The following KCNH3 variants were observed in gnomAD, a reference collection of about 807,000 sequenced individuals.
KCNH3 encodes voltage-gated inwardly rectifying potassium channel KCNH3.
Under a neutral mutation model 95.6 loss-of-function variants are expected in KCNH3, and 36 were observed. The observed-to-expected ratio is 0.38, with a 90% CI of 0.29 to 0.50. The LOEUF (loss-of-function observed/expected upper bound fraction) is 0.50. Ranked by LOEUF, KCNH3 falls within the 20% of genes least tolerant of loss-of-function variation. The pLI is 0.95. For synonymous variants in KCNH3, 620 were observed against 646.3 expected (o/e 0.96, Z 0.62); for missense variants, 1,030 against 1,484.1 (o/e 0.69, Z 5.03).
chr12:49,554,622 C>A, intron 11 of KCNH3, 68 bp downstream of exon 11: 2 of 1,384,150 alleles, frequency 1.4e-6, no homozygotes, highest in Non-Finnish European at 2.0e-6. Context: ...TGGGCAGAGG[C>A]TGGGGATGGT....
At position 49,556,179 on chromosome 12, in the gene KCNH3, G is replaced by T. The variant is rs575080360; in HGVS notation, c.2469-191G>T. On this transcript the variant is annotated intron_variant, in intron 12 of 14. Coordinates refer to ENST00000257981, the MANE Select transcript of KCNH3 (RefSeq NM_012284.3). Reference sequence around the variant, plus strand: ...GCTCTGAACTCTTGCATCTCATGCTGCTCAAGCTTGGCCCCCCAGCTAAAC... The same window carrying T: ...GCTCTGAACTCTTGCATCTCATGCTTCTCAAGCTTGGCCCCCCAGCTAAAC... 26 of 605,750 alleles carry T rather than the reference G, an allele frequency of 4.3e-5. No homozygotes were observed. The East Asian group carries it at 7.1e-4, about 17-fold the overall frequency. The allele number at this position is 605,750 out of a possible 1,614,324, so 37.5% of individuals were successfully genotyped here.
At chr12:49,549,789 G>A in intron 9 of KCNH3, 149 bp downstream of exon 9, 1 of 836,442 alleles carries the variant, frequency 1.2e-6, no homozygotes, top group Non-Finnish European at 1.8e-6. Context: ...ATGGGACAGA[G>A]GGCAGCTAAG....
chr12:49,546,896 T>C (rs997910641), intron 7 of KCNH3, among the ~76,000 whole-genome samples: 1 of 152,146 alleles, frequency 6.6e-6, no homozygotes, highest in Non-Finnish European at 1.5e-5. Flanking sequence ...CGTACTCCAA[T>C]TTTATTTTAT....
Position 49,556,371 on chromosome 12 carries a change from G to A in KCNH3, c.2470G>A (p.Val824Ile), listed in dbSNP as rs1054769379. 10 of 1,611,328 alleles carry A rather than the reference G, an allele frequency of 6.2e-6. No homozygotes were observed. The highest frequency in any genetic ancestry group is 8.5e-6 in the Non-Finnish European group (10 of 1,177,470). ...TTGTCCTGGTACCTGGGTTCACAGG[G>A]TAGTAGATGGCATTGAAGACGGCTG... is the stretch of plus-strand genomic sequence containing the variant. ...WNVPPDLSPRVVDGIEDGCGS... is the reference protein window; with the variant it reads ...WNVPPDLSPRIVDGIEDGCGS... The change falls in exon 13 of 15, where the codon GTA becomes ATA. Residue 824 changes from valine to isoleucine, a missense_variant and splice_region_variant. By Grantham distance (29) the Val-to-Ile change is conservative. Around this residue, in one of 9 missense-constraint regions of KCNH3, gnomAD observed 464 missense variants for 493.2 expected, o/e 0.94. Coordinates refer to ENST00000257981, the MANE Select transcript of KCNH3 (RefSeq NM_012284.3).
intron 9 of KCNH3, 102 bp downstream of exon 9, chr12:49,549,742 C>G: frequency 1.6e-5 from 18 of 1,153,932 alleles, no homozygotes; most frequent in Non-Finnish European, 2.2e-5. Flanking sequence ...AGAATTTTGG[C>G]CCCTGTGCCT....
At chr12:49,554,783 C>T (rs922787065) in intron 11 of KCNH3, among the ~76,000 whole-genome samples, 1 of 152,296 alleles carries the variant, frequency 6.6e-6, no homozygotes, top group South Asian at 2.1e-4. Flanking sequence ...GCAGCCTTAC[C>T]CTGTCCAGAG....
chr12:49,543,559 G>A (rs766946350), intron 5 of KCNH3, 41 bp downstream of exon 5: 153 of 1,574,220 alleles, frequency 9.7e-5, no homozygotes, highest in Non-Finnish European at 1.2e-4. Context: ...CTTTGCTGGC[G>A]CCCTGGGGCT....
rs138891379 is a variant in KCNH3 at position 49,548,604 on chromosome 12, C to T, written c.1190-291C>T. Among the ~76,000 whole-genome samples the T allele has an allele frequency of 4.0e-3, 612 of 152,280 alleles. 7 individuals carry two copies. Among genetic ancestry groups the T allele is most frequent in the African/African-American group, 0.011 (453 of 41,544 alleles). On this transcript the variant is annotated intron_variant, in intron 7 of 14. Transcript: ENST00000257981. ...GTGAGCACCCCAGTCCTTTTGCCCACGCCAGCCAGGCCCTCCGACTGGGCC... is the reference window on the plus strand; with the variant it reads ...GTGAGCACCCCAGTCCTTTTGCCCATGCCAGCCAGGCCCTCCGACTGGGCC...
intron 7 of KCNH3, among the ~76,000 whole-genome samples, chr12:49,546,539 T>C (rs1158953187): frequency 1.3e-5 from 2 of 152,150 alleles, no homozygotes; most frequent in African/African-American, 4.8e-5. Flanking sequence ...GCCCATGATG[T>C]GGACAGAGTT....
chr12:49,541,793 G>A, intron 3 of KCNH3, 29 bp downstream of exon 3: 1 of 1,612,330 alleles, frequency 6.2e-7, no homozygotes, highest in Non-Finnish European at 8.5e-7. Context: ...TGTGGTCGGG[G>A]TATTGGGTGC....
chr12:49,550,048 A>AACC (rs1565779214), intron 9 of KCNH3, 32 bp from the exon 10 acceptor site: 12 of 800,666 alleles, frequency 1.5e-5, no homozygotes, highest in South Asian at 1.5e-5. Context: ...GCCACTCCCA[A>AACC]CCCCCCCACC....
chr12:49,556,092 G>A, intron 12 of KCNH3, 141 bp downstream of exon 12: 1 of 598,592 alleles, frequency 1.7e-6, no homozygotes, highest in Admixed American at 3.0e-5. Flanking sequence ...CCTCCAGGAA[G>A]CCTTCTGTGC....
At chr12:49,542,984 G>T in intron 4 of KCNH3, 145 bp downstream of exon 4, 1 of 1,143,028 alleles carries the variant, frequency 8.7e-7, no homozygotes. Flanking sequence ...AAGGAGGGAA[G>T]ATCACATGCC....
intron 7 of KCNH3, among the ~76,000 whole-genome samples, chr12:49,545,632 C>G (rs984074569): frequency 1.3e-5 from 2 of 151,982 alleles, no homozygotes; most frequent in African/African-American, 4.8e-5. Context: ...ACCTTGTGAT[C>G]CACCTGCCTC....
chr12:49,550,061 C>CCCCCCCG lies in KCNH3; in HGVS notation c.1669-19_1669-18insCCCCCCG. 1.3e-6 allele frequency: 2 copies of CCCCCCCG among 1,556,716 alleles called. No homozygotes were observed. The highest frequency in any genetic ancestry group is 1.7e-6 in the Non-Finnish European group (2 of 1,148,712). On this transcript the variant is annotated intron_variant, in intron 9 of 14. Coordinates refer to ENST00000257981, the MANE Select transcript of KCNH3 (RefSeq NM_012284.3). The stretch of plus-strand genomic sequence containing the variant: ...CTGCCACTCCCAACCCCCCCACCCC[C>CCCCCCCG]GCACCTGCTCACCTGCAGCTGCTGC...
intron 11 of KCNH3, among the ~76,000 whole-genome samples, chr12:49,555,284 CAA>C (rs1157061451): frequency 1.2e-3 from 78 of 66,816 alleles, no homozygotes; most frequent in African/African-American, 3.0e-3. Flanking sequence ...ACTAAAAATA[CAA>C]AAAAAAAAAA....
intron 2 of KCNH3, 66 bp downstream of exon 2, chr12:49,541,198 C>G (rs1469707925): frequency 8.6e-7 from 1 of 1,157,500 alleles, no homozygotes; most frequent in African/African-American, 1.5e-5. Flanking sequence ...CCAGCCCCAT[C>G]CACTGTCCCT....
chr12:49,541,409 T>C (rs1422766518), intron 2 of KCNH3, among the ~76,000 whole-genome samples: 1 of 152,140 alleles, frequency 6.6e-6, no homozygotes, highest in Non-Finnish European at 1.5e-5. Flanking sequence ...GCAGGGCAGA[T>C]CTACCACACG....
intron 9 of KCNH3, 32 bp from the exon 10 acceptor site, chr12:49,550,043 TCCCAA>T: frequency 7.7e-7 from 1 of 1,299,536 alleles, no homozygotes; most frequent in Non-Finnish European, 1.1e-6. Context: ...CTTCTGCCAC[TCCCAA>T]CCCCCCCACC....
Sources: gnomAD v4.1 joint callset for allele counts (sites outside exome capture counted in the v4.1 genomes callset) on GRCh38, gnomAD v4.1.1 for gene constraint, gnomAD v4.1.1 regional missense constraint, MANE v1.5 for transcripts, NCBI Gene and HGNC (gene_info 2026-07-23, HGNC 2026-07-21) for gene names.